FGF10: variants seen among roughly 807,000 people sequenced by gnomAD.
The protein encoded by FGF10 is FGF-10.
A neutral mutation model predicts 19.8 loss-of-function variants in FGF10; 2 were observed. The observed-to-expected ratio is 0.10, with a 90% confidence interval of 0.04 to 0.32. The LOEUF (loss-of-function observed/expected upper bound fraction) is 0.32. Among genes scored for constraint, FGF10 ranks in the 10% least tolerant of loss-of-function variants. The pLI, the probability that FGF10 is intolerant of heterozygous loss-of-function variation, is 1.00. For synonymous variants in FGF10, 112 were observed against 94.0 expected, an observed-to-expected ratio of 1.19 and a Z score of -1.10; for missense variants, 191 against 246.3, an observed-to-expected ratio of 0.78 and a Z score of 1.50.
intron 1 of FGF10, among the ~76,000 whole-genome samples, chr5:44,320,116 G>C (rs1030199729): frequency 6.6e-6 from 1 of 152,196 alleles, no homozygotes; most frequent in African/African-American, 2.4e-5. Flanking sequence ...CTGATGATCT[G>C]AGGTGAAGCT....
At chr5:44,372,455 A>G (rs980101216) in intron 1 of FGF10, among the ~76,000 whole-genome samples, 2 of 152,168 alleles carry the variant, frequency 1.3e-5, no homozygotes, top group African/African-American at 4.8e-5. Context: ...CACATCTGCA[A>G]AACTTTACCA....
chr5:44,360,093 T>A (rs1741440496), intron 1 of FGF10, among the ~76,000 whole-genome samples: 1 of 151,528 alleles, frequency 6.6e-6, no homozygotes, highest in Admixed American at 6.6e-5. Flanking sequence ...CAGTATTCAT[T>A]CAATGCTTTG....
Position 44,300,295 on chromosome 5 carries a change from AG to A in FGF10, c.*4699del. ...TTACACTTAAACAATGAATGACATC[AG>A]GGTTTCAGATTTTTTCTATATGTCG... is the stretch of plus-strand genomic sequence containing the variant. On this transcript the variant is annotated 3_prime_UTR_variant, in exon 3 of 3. Coordinates refer to ENST00000264664, the MANE Select transcript of FGF10 (RefSeq NM_004465.2). Among the ~76,000 whole-genome samples, 1 of 152,038 alleles carries A rather than the reference AG, an allele frequency of 6.6e-6. No homozygotes were observed. The highest frequency in any genetic ancestry group is 1.5e-5 in the Non-Finnish European group (1 of 68,012).
At chr5:44,325,085 G>T (rs941136664) in intron 1 of FGF10, among the ~76,000 whole-genome samples, 5 of 152,158 alleles carry the variant, frequency 3.3e-5, no homozygotes, top group African/African-American at 1.2e-4. Flanking sequence ...CGAAGGATAT[G>T]AGCAGACACA....
At position 44,321,166 on chromosome 5, in the gene FGF10, A is replaced by T. The variant is rs548653504; in HGVS notation, c.326-10636T>A. Among the ~76,000 whole-genome samples the T allele has an allele frequency of 3.9e-5, 6 of 152,280 alleles. No homozygotes were observed. The East Asian group carries it at 1.2e-3, about 29-fold the overall frequency. On this transcript the variant is annotated intron_variant, in intron 1 of 2. Coordinates refer to ENST00000264664, the MANE Select transcript of FGF10 (RefSeq NM_004465.2). ...GAGTTGATCCTTCCTGCTGCTAAGGACATTTGTCATGAACTTACAGAAGAG... is the reference window on the plus strand; with the variant it reads ...GAGTTGATCCTTCCTGCTGCTAAGGTCATTTGTCATGAACTTACAGAAGAG...
At chr5:44,315,962 C>A (rs1263784413) in intron 1 of FGF10, among the ~76,000 whole-genome samples, 1 of 152,086 alleles carries the variant, frequency 6.6e-6, no homozygotes, top group African/African-American at 2.4e-5. Context: ...TCCCATGGAC[C>A]AATATTGGAA....
intron 1 of FGF10, among the ~76,000 whole-genome samples, chr5:44,337,823 C>A (rs1271837915): frequency 6.6e-6 from 1 of 152,084 alleles, no homozygotes; most frequent in Non-Finnish European, 1.5e-5. Context: ...CGCCTGTAGT[C>A]CCAGCTACAT....
chr5:44,324,578 A>C (rs1740569201), intron 1 of FGF10, among the ~76,000 whole-genome samples: 1 of 152,164 alleles, frequency 6.6e-6, no homozygotes, highest in Non-Finnish European at 1.5e-5. Flanking sequence ...GAATTGTAAG[A>C]AGGACTTTAA....
At chr5:44,355,915 T>G (rs960940023) in intron 1 of FGF10, among the ~76,000 whole-genome samples, 1 of 151,450 alleles carries the variant, frequency 6.6e-6, no homozygotes, top group African/African-American at 2.4e-5. Context: ...CACTAATACT[T>G]TAACAAGAGA....
intron 2 of FGF10, among the ~76,000 whole-genome samples, chr5:44,307,346 G>GT (rs1424615870): frequency 1.3e-5 from 2 of 152,028 alleles, no homozygotes; most frequent in East Asian, 1.9e-4. Flanking sequence ...GGTTCAGGGA[G>GT]TTTTTTTAAA....
chr5:44,310,596 C>A, intron 1 of FGF10, 66 bp from the exon 2 acceptor site: 2 of 1,194,332 alleles, frequency 1.7e-6, no homozygotes, highest in Non-Finnish European at 2.4e-6. Flanking sequence ...AAAGTAAAAT[C>A]AAAAGAAACT....
At chr5:44,378,141 C>T (rs1442972550) in intron 1 of FGF10, among the ~76,000 whole-genome samples, 1 of 152,102 alleles carries the variant, frequency 6.6e-6, no homozygotes, top group Non-Finnish European at 1.5e-5. Context: ...AGCTGTTAAG[C>T]AACAGCAGCT....
At chr5:44,352,111 T>C (rs1455573137) in intron 1 of FGF10, among the ~76,000 whole-genome samples, 1 of 151,462 alleles carries the variant, frequency 6.6e-6, no homozygotes, top group Non-Finnish European at 1.5e-5. Flanking sequence ...GAGGAGCACA[T>C]TTGGGGATGC....
At chr5:44,372,649 T>C (rs888110856) in intron 1 of FGF10, among the ~76,000 whole-genome samples, 1 of 152,190 alleles carries the variant, frequency 6.6e-6, no homozygotes, top group African/African-American at 2.4e-5. Context: ...CTGGGTATGA[T>C]CTATCCTGGG....
intron 1 of FGF10, among the ~76,000 whole-genome samples, chr5:44,328,041 T>G (rs537149484): frequency 6.6e-6 from 1 of 152,234 alleles, no homozygotes; most frequent in East Asian, 1.9e-4. Flanking sequence ...ATTCATACTA[T>G]ACTCTTAAAT....
intron 1 of FGF10, among the ~76,000 whole-genome samples, chr5:44,326,251 C>T (rs921341582): frequency 6.6e-6 from 1 of 152,090 alleles, no homozygotes. Flanking sequence ...AACTAGGTAT[C>T]TTTTAGTTTA....
At chr5:44,382,999 C>T (rs1742016447) in intron 1 of FGF10, among the ~76,000 whole-genome samples, 1 of 152,094 alleles carries the variant, frequency 6.6e-6, no homozygotes, top group African/African-American at 2.4e-5. Context: ...ACATATATTA[C>T]TCTTCTTTCT....
At chr5:44,362,195 A>G (rs866758267) in intron 1 of FGF10, among the ~76,000 whole-genome samples, 7 of 151,680 alleles carry the variant, frequency 4.6e-5, no homozygotes, top group Non-Finnish European at 8.9e-5. Flanking sequence ...TGAAAAATGA[A>G]AATAACATCA....
chr5:44,307,920 A>G (rs1439793675), intron 2 of FGF10, among the ~76,000 whole-genome samples: 1 of 152,216 alleles, frequency 6.6e-6, no homozygotes, highest in African/African-American at 2.4e-5. Context: ...GGAAGTGGAA[A>G]GTATGTTCTG....
Sources: allele counts gnomAD v4.1 joint callset (sites outside exome capture counted in the v4.1 genomes callset), GRCh38; gene constraint gnomAD v4.1.1; transcripts MANE v1.5; gene names NCBI Gene and HGNC (gene_info 2026-07-23, HGNC 2026-07-21).